The following ENPP1 variants were observed in gnomAD, a reference collection of about 807,000 sequenced individuals.
The protein encoded by ENPP1 is ectonucleotide pyrophosphatase/phosphodiesterase 1, also known as ectonucleotide pyrophosphatase/phosphodiesterase family member 1.
Under a neutral mutation model 122.8 loss-of-function variants are expected in ENPP1, and 73 were observed. That is an observed-to-expected ratio of 0.59 (90% confidence interval 0.49 to 0.72). ENPP1 has a LOEUF of 0.72. ENPP1 is among the 30% of genes least tolerant of loss of function. The probability of loss-of-function intolerance (pLI) is 0.00; values close to 1 mark genes in which losing one functional copy is unlikely to be tolerated. For missense variants in ENPP1, 978 were observed against 1,128.1 expected, an observed-to-expected ratio of 0.87 and a Z score of 1.91; for synonymous variants, 367 against 391.6, an observed-to-expected ratio of 0.94 and a Z score of 0.74.
chr6:131,808,102 G>C lies in ENPP1; in HGVS notation c.67G>C (p.Gly23Arg). The C allele has an allele frequency of 8.4e-7, 1 of 1,187,858 alleles. No homozygotes were observed. Among genetic ancestry groups the C allele is most frequent in the Non-Finnish European group, 1.0e-6 (1 of 957,050 alleles). 73.6% of individuals were successfully genotyped at this position (1,187,858 alleles called of 1,614,324 possible). ...GGEGGRAPRE[G>R]PAGNGRDRGR... ...CGAGGGCGGGCGCGCTCCCCGGGAG[G>C]GCCCGGCGGGGAACGGCCGCGATCG... The change falls in exon 1 of 25, where the codon GGC (glycine) becomes CGC (arginine). Residue 23 changes from glycine to arginine, a missense_variant. By Grantham distance (125) the Gly-to-Arg change is moderately radical. This residue lies in a region of ENPP1 where 330 missense variants were observed against 328.5 expected (regional missense o/e 1.00). Coordinates refer to ENST00000647893, the MANE Select transcript of ENPP1 (RefSeq NM_006208.3).
At chr6:131,852,267 C>CT (rs771740911) in intron 5 of ENPP1, 32 bp downstream of exon 5, 1 of 1,410,038 alleles carries the variant, frequency 7.1e-7, no homozygotes, top group Non-Finnish European at 9.9e-7. Flanking sequence ...TTAATTTTTT[C>CT]TTTTTTAGAA....
chr6:131,828,976 T>A (rs1424564240), intron 1 of ENPP1, among the ~76,000 whole-genome samples: 1 of 152,280 alleles, frequency 6.6e-6, no homozygotes, highest in Non-Finnish European at 1.5e-5. Context: ...CGAATGAGTA[T>A]GTTCCAAAAA....
intron 1 of ENPP1, among the ~76,000 whole-genome samples, chr6:131,814,118 G>A (rs1353504979): frequency 1.3e-5 from 2 of 152,124 alleles, no homozygotes; most frequent in African/African-American, 2.4e-5. Flanking sequence ...TGGAAATGCC[G>A]ATCCATCCAA....
In ENPP1 at chr6:131,810,162, C is replaced by T. The variant is rs1160672034; in HGVS notation, c.240+1887C>T. Among the ~76,000 whole-genome samples the T allele has an allele frequency of 2.0e-5, 3 of 152,144 alleles. No homozygotes were observed. In the East Asian group the frequency reaches 5.8e-4, roughly 29 times the overall value. On this transcript the variant is annotated intron_variant, in intron 1 of 24. Transcript: ENST00000647893. The stretch of plus-strand genomic sequence containing the variant: ...TTGCTTGAGCCCAGGAGTTTGAGAC[C>T]AGCCTGGGCAACATGATGAAACCCA...
chr6:131,875,779 C>G lies in ENPP1; in HGVS notation c.1639C>G (p.Leu547Val). ...SDNVFSNMQA[L>V]FVGYGPGFKH... ...ACTTCCTTTTCTGGCCATCTAGGCC[C>G]TCTTTGTTGGCTATGGACCTGGATT... Residue 547 changes from leucine to valine, a missense_variant, in exon 17 of 25, where the codon CTC (leucine) becomes GTC (valine). Transcript: ENST00000647893. The G allele has an allele frequency of 2.5e-6, 4 of 1,613,802 alleles. No individual in the cohort carries two copies. Among genetic ancestry groups the G allele is most frequent in the Non-Finnish European group, 3.4e-6 (4 of 1,179,684 alleles).
intron 1 of ENPP1, among the ~76,000 whole-genome samples, chr6:131,839,307 C>T (rs1781712758): frequency 6.6e-6 from 1 of 151,918 alleles, no homozygotes; most frequent in South Asian, 2.1e-4. Context: ...TCCCCTCTCC[C>T]CTTTACCATT....
chr6:131,811,033 A>G (rs1371568502), intron 1 of ENPP1, among the ~76,000 whole-genome samples: 2 of 152,136 alleles, frequency 1.3e-5, no homozygotes, highest in Non-Finnish European at 2.9e-5. Flanking sequence ...TAGGTATGTT[A>G]AATATTAGAT....
intron 1 of ENPP1, among the ~76,000 whole-genome samples, chr6:131,840,176 T>C (rs1781722719): frequency 6.6e-6 from 1 of 152,192 alleles, no homozygotes; most frequent in Non-Finnish European, 1.5e-5. Flanking sequence ...TTAATACAAA[T>C]TGGTGTTTAC....
chr6:131,868,892 G>C (rs953849948), intron 12 of ENPP1, among the ~76,000 whole-genome samples: 6 of 152,156 alleles, frequency 3.9e-5, no homozygotes, highest in African/African-American at 1.4e-4. Context: ...ATAGAAAATA[G>C]GTTCTTTTTG....
intron 15 of ENPP1, among the ~76,000 whole-genome samples, chr6:131,873,326 A>C (rs1367533958): frequency 6.6e-6 from 1 of 152,100 alleles, no homozygotes; most frequent in Admixed American, 6.6e-5. Context: ...TGACAACCAA[A>C]AATGTCCGTC....
chr6:131,844,235 C>G (rs1038899289), intron 1 of ENPP1, among the ~76,000 whole-genome samples: 1 of 152,196 alleles, frequency 6.6e-6, no homozygotes, highest in African/African-American at 2.4e-5. Flanking sequence ...CTGACATGCA[C>G]AAATTTCAGT....
At chr6:131,827,951 G>C in intron 1 of ENPP1, 1 of 891,870 alleles carries the variant, frequency 1.1e-6, no homozygotes, top group Non-Finnish European at 1.9e-6. Flanking sequence ...CACTTATAAA[G>C]GATGGCCACA....
At chr6:131,867,447 T>C (rs951771512) in intron 11 of ENPP1, among the ~76,000 whole-genome samples, 3 of 152,212 alleles carry the variant, frequency 2.0e-5, no homozygotes, top group Non-Finnish European at 4.4e-5. Flanking sequence ...AAGGAAATAA[T>C]GGGTTATATT....
intron 24 of ENPP1, among the ~76,000 whole-genome samples, chr6:131,889,518 A>T (rs749243987): frequency 7.2e-5 from 11 of 152,186 alleles, no homozygotes; most frequent in Non-Finnish European, 1.5e-4. Context: ...TTTGCTAAGG[A>T]TAATGGCCTC....
intron 1 of ENPP1, among the ~76,000 whole-genome samples, chr6:131,817,339 G>C (rs1269212900): frequency 6.6e-5 from 10 of 152,122 alleles, no homozygotes; most frequent in African/African-American, 2.2e-4. Flanking sequence ...GAAATTTCTG[G>C]TGTGGTGATG....
At chr6:131,844,689 G>T (rs1016146299) in intron 1 of ENPP1, among the ~76,000 whole-genome samples, 10 of 152,200 alleles carry the variant, frequency 6.6e-5, no homozygotes, top group Non-Finnish European at 1.5e-4. Context: ...TGCTAACACT[G>T]CCATGGTGCA....
At chr6:131,841,795 A>C (rs1781743598) in intron 1 of ENPP1, among the ~76,000 whole-genome samples, 1 of 152,178 alleles carries the variant, frequency 6.6e-6, no homozygotes, top group African/African-American at 2.4e-5. Context: ...GGGTGAGGGA[A>C]GACCTAGAGA....
intron 6 of ENPP1, 141 bp downstream of exon 6, chr6:131,855,164 A>G: frequency 1.4e-6 from 1 of 709,852 alleles, no homozygotes; most frequent in Non-Finnish European, 2.6e-6. Context: ...AACCTTGTGT[A>G]AGGCGCTTAT....
chr6:131,859,694 G>A (rs1302789276), intron 7 of ENPP1, among the ~76,000 whole-genome samples: 1 of 152,136 alleles, frequency 6.6e-6, no homozygotes, highest in African/African-American at 2.4e-5. Context: ...TAGTGGACAA[G>A]GGCCCTGAGC....
Sources: allele counts gnomAD v4.1 joint callset (sites outside exome capture counted in the v4.1 genomes callset), GRCh38; gene constraint gnomAD v4.1.1; regional missense constraint gnomAD v4.1.1; transcripts MANE v1.5; gene names NCBI Gene and HGNC (gene_info 2026-07-23, HGNC 2026-07-21).